The following GRIN2B variants were observed in gnomAD, a reference collection of about 807,000 sequenced individuals.
GRIN2B encodes glutamate receptor ionotropic, NMDA 2B.
GRIN2B carries 5 observed loss-of-function variants against 114.5 expected under a neutral mutation model. The observed-to-expected ratio is 0.04, with a 90% confidence interval of 0.02 to 0.09. The LOEUF (loss-of-function observed/expected upper bound fraction) is 0.09. GRIN2B is among the 10% of genes least tolerant of loss of function. The pLI is 1.00. For synonymous variants in GRIN2B, 787 were observed against 745.1 expected (o/e 1.06, Z -0.92); for missense variants, 1,108 against 1,943.5 (o/e 0.57, Z 8.08).
At chr12:13,577,596 C>T (rs1287822260) in intron 10 of GRIN2B, among the ~76,000 whole-genome samples, 1 of 152,116 alleles carries the variant, frequency 6.6e-6, no homozygotes, top group Non-Finnish European at 1.5e-5. Context: ...GGATCTGGTC[C>T]ATTTTTAATA....
chr12:13,633,829 C>T (rs1426771049), intron 5 of GRIN2B, among the ~76,000 whole-genome samples: 3 of 152,136 alleles, frequency 2.0e-5, no homozygotes, highest in Admixed American at 1.3e-4. Context: ...TCAGTAACAC[C>T]AGCACCCACC....
At chr12:13,903,853 G>C (rs993719390) in intron 2 of GRIN2B, among the ~76,000 whole-genome samples, 6 of 151,756 alleles carry the variant, frequency 4.0e-5, no homozygotes, top group African/African-American at 1.5e-4. Context: ...TGTTAACTTT[G>C]ATATTATATA....
At chr12:13,736,470 C>G (rs1185078815) in intron 4 of GRIN2B, among the ~76,000 whole-genome samples, 1 of 152,126 alleles carries the variant, frequency 6.6e-6, no homozygotes, top group East Asian at 1.9e-4. Flanking sequence ...ATGTCCAGGT[C>G]TTAAATTGTT....
intron 5 of GRIN2B, among the ~76,000 whole-genome samples, chr12:13,646,590 T>A (rs1591657063): frequency 6.6e-6 from 1 of 152,156 alleles, no homozygotes; most frequent in South Asian, 2.1e-4. Flanking sequence ...GTCACTCCCA[T>A]GATTATGTCA....
At chr12:13,647,535 A>G (rs977394770) in intron 5 of GRIN2B, among the ~76,000 whole-genome samples, 1 of 152,068 alleles carries the variant, frequency 6.6e-6, no homozygotes, top group Non-Finnish European at 1.5e-5. Flanking sequence ...CATAATGTAT[A>G]TGGTCTTGAA....
intron 2 of GRIN2B, among the ~76,000 whole-genome samples, chr12:13,958,553 T>A (rs952427283): frequency 6.6e-6 from 1 of 152,138 alleles, no homozygotes; most frequent in Non-Finnish European, 1.5e-5. Context: ...TCTGTCTCCT[T>A]TTTCCCTAGG....
chr12:13,722,197 G>C (rs1862895460), intron 4 of GRIN2B, among the ~76,000 whole-genome samples: 1 of 152,092 alleles, frequency 6.6e-6, no homozygotes, highest in Non-Finnish European at 1.5e-5. Flanking sequence ...AAGATGTTTT[G>C]CTATTAAGAG....
In GRIN2B at chr12:13,746,872, C is replaced by T. The variant is rs148664422; in HGVS notation, c.1010+6445G>A. Among the ~76,000 whole-genome samples the T allele has an allele frequency of 2.5e-3, 381 of 152,278 alleles. 1 individual carries two copies. The highest frequency in any genetic ancestry group is 9.1e-3 in the African/African-American group (377 of 41,548). ...TCTCTCTCACCATGTGACATGCCGG[C>T]CCCCCTCCACCTTCCACCATGAGTG... is the stretch of plus-strand genomic sequence containing the variant. On this transcript the variant is annotated intron_variant, in intron 4 of 13. Transcript: ENST00000609686.
chr12:13,844,900 G>A (rs1388403830), intron 3 of GRIN2B, among the ~76,000 whole-genome samples: 1 of 152,172 alleles, frequency 6.6e-6, no homozygotes, highest in Admixed American at 6.5e-5. Flanking sequence ...CCAGCCACAT[G>A]TACTGTAGTG....
intron 2 of GRIN2B, among the ~76,000 whole-genome samples, chr12:13,911,888 C>T (rs1173000848): frequency 6.6e-6 from 1 of 152,182 alleles, no homozygotes. Context: ...AGCAAGAAAA[C>T]GGCAGGCTTG....
chr12:13,835,877 G>T (rs1484044582), intron 3 of GRIN2B, among the ~76,000 whole-genome samples: 4 of 151,576 alleles, frequency 2.6e-5, no homozygotes, highest in Non-Finnish European at 5.9e-5. Flanking sequence ...AGGCAGCCAG[G>T]CATGCCTTTA....
At chr12:13,736,137 G>GA (rs1555129334) in intron 4 of GRIN2B, among the ~76,000 whole-genome samples, 2 of 18,674 alleles carry the variant, frequency 1.1e-4, no homozygotes, top group African/African-American at 3.8e-4. Flanking sequence ...TAGAAAAGCG[G>GA]GGGGGGGGGG....
intron 2 of GRIN2B, among the ~76,000 whole-genome samples, chr12:13,895,193 C>T (rs1209975052): frequency 6.6e-6 from 1 of 152,170 alleles, no homozygotes. Flanking sequence ...ATCATGAGGT[C>T]AAAGAACTTG....
intron 2 of GRIN2B, among the ~76,000 whole-genome samples, chr12:13,913,700 A>G (rs990391364): frequency 3.3e-5 from 5 of 152,228 alleles, no homozygotes; most frequent in Middle Eastern, 3.4e-3. Context: ...AACTCTCCCT[A>G]TTGCCCCACA....
chr12:13,779,035 CATTGTTCCTCTTTATTTTATTTT>C (rs1368921799), intron 3 of GRIN2B, among the ~76,000 whole-genome samples: 1 of 152,092 alleles, frequency 6.6e-6, no homozygotes, highest in Non-Finnish European at 1.5e-5. Context: ...CTGTAACTTG[CATTGTTCCTCTTTATTTTATTTT>C]ATTTATTTGA....
chr12:13,732,656 C>G (rs1040540368), intron 4 of GRIN2B, among the ~76,000 whole-genome samples: 1 of 152,210 alleles, frequency 6.6e-6, no homozygotes, highest in Non-Finnish European at 1.5e-5. Context: ...CTTGACTAAA[C>G]TCAACTTCTT....
At chr12:13,690,373 T>TCTCA (rs1438385604) in intron 4 of GRIN2B, among the ~76,000 whole-genome samples, 2 of 143,342 alleles carry the variant, frequency 1.4e-5, no homozygotes, top group East Asian at 2.0e-4. Flanking sequence ...TCTCTCTCTC[T>TCTCA]CACACACACA....
chr12:13,855,204 T>C (rs995436951), intron 3 of GRIN2B, among the ~76,000 whole-genome samples: 3 of 151,892 alleles, frequency 2.0e-5, no homozygotes, highest in Non-Finnish European at 1.5e-5. Flanking sequence ...GGTGACAGAA[T>C]GAGACCCTGT....
chr12:13,904,338 A>G (rs1866504706), intron 2 of GRIN2B, among the ~76,000 whole-genome samples: 1 of 152,078 alleles, frequency 6.6e-6, no homozygotes, highest in Non-Finnish European at 1.5e-5. Context: ...AGAAATTAAA[A>G]TATGTCTACT....
Sources: gnomAD v4.1 joint callset for allele counts (sites outside exome capture counted in the v4.1 genomes callset) on GRCh38, gnomAD v4.1.1 for gene constraint, MANE v1.5 for transcripts, NCBI Gene and HGNC (gene_info 2026-07-23, HGNC 2026-07-21) for gene names.